IL21R: variants seen among roughly 807,000 people sequenced by gnomAD.
IL21R encodes the protein interleukin-21 receptor.
In IL21R, 14 loss-of-function variants were observed where a neutral mutation model predicts 41.3. That is an observed-to-expected ratio of 0.34 (90% CI 0.22 to 0.53). The LOEUF is 0.53. Among genes scored for constraint, IL21R ranks in the 20% least tolerant of loss-of-function variants. IL21R has a pLI of 0.94. For synonymous variants in IL21R, 286 were observed against 287.6 expected, an observed-to-expected ratio of 0.99 and a Z score of 0.05; for missense variants, 588 against 681.6, an observed-to-expected ratio of 0.86 and a Z score of 1.53.
At chr16:27,411,773 T>C (rs2086827994) in intron 1 of IL21R, among the ~76,000 whole-genome samples, 1 of 152,056 alleles carries the variant, frequency 6.6e-6, no homozygotes, top group South Asian at 2.1e-4. Context: ...CATTTTTAAA[T>C]TGAGTTATTT....
intron 1 of IL21R, among the ~76,000 whole-genome samples, chr16:27,413,167 T>C (rs1042253907): frequency 3.9e-5 from 6 of 152,160 alleles, no homozygotes; most frequent in African/African-American, 1.4e-4. Flanking sequence ...GTTTTCTTTA[T>C]CATGAAAGAG....
intron 1 of IL21R, among the ~76,000 whole-genome samples, chr16:27,406,870 T>C (rs1294504089): frequency 1.3e-5 from 2 of 152,222 alleles, no homozygotes; most frequent in Admixed American, 1.3e-4. Context: ...TGGCAGAGTC[T>C]GCTTTCTGAC....
intron 6 of IL21R, 106 bp from the exon 7 acceptor site, chr16:27,445,071 T>G (rs549346849): frequency 1.3e-6 from 1 of 768,640 alleles, no homozygotes; most frequent in African/African-American, 1.7e-5. Flanking sequence ...TAACAGCCTC[T>G]CCTACCCTCT....
Position 27,448,681 on chromosome 16 carries a change from G to A in IL21R, c.1015G>A (p.Glu339Lys), listed in dbSNP as rs769858753. The change falls in exon 9 of 9, where the codon GAG (glutamate) becomes AAG (lysine). Residue 339 changes from glutamate (E) to lysine (K), a missense_variant. Physicochemically the swap from Glu to Lys is moderately conservative, Grantham distance 56 (BLOSUM62 1). Coordinates refer to ENST00000337929, the MANE Select transcript of IL21R (RefSeq NM_181078.3). ...LQLTELQEPA[E>K]LVESDGVPKP... ...GCTCACGGAGCTACAAGAACCAGCA[G>A]AGCTGGTGGAGTCTGACGGTGTGCC... 1 of 1,613,218 alleles carries A rather than the reference G, an allele frequency of 6.2e-7. No individual in the cohort carries two copies. Among genetic ancestry groups the A allele is most frequent in the Non-Finnish European group, 8.5e-7 (1 of 1,180,008 alleles).
chr16:27,450,399 G>A lies in IL21R; in HGVS notation c.*1116G>A, dbSNP rs183672980. 12 of 231,314 alleles carry A rather than the reference G, an allele frequency of 5.2e-5. No individual in the cohort carries two copies. Among genetic ancestry groups the A allele is most frequent in the African/African-American group, 2.0e-4 (9 of 45,266 alleles). The allele number at this position is 231,314 out of a possible 1,614,324, so 14.3% of individuals were successfully genotyped here. ...AGGTTGGAACTATGCAGTGTGCTCC[G>A]GCCACACATCCTGCTGGGCCCCCTA... is the stretch of plus-strand genomic sequence containing the variant. On this transcript the variant is annotated 3_prime_UTR_variant, in exon 9 of 9. Transcript: ENST00000337929.
intron 1 of IL21R, among the ~76,000 whole-genome samples, chr16:27,429,680 A>C (rs1183804139): frequency 2.0e-5 from 3 of 152,184 alleles, no homozygotes; most frequent in African/African-American, 7.2e-5. Flanking sequence ...AGGCTGATGC[A>C]GGAGGATCGC....
chr16:27,429,235 T>TA (rs3093296), intron 1 of IL21R, among the ~76,000 whole-genome samples: 45,010 of 151,378 alleles, frequency 0.3, 7,196 homozygotes, highest in East Asian at 0.55. Flanking sequence ...AAAATAAACA[T>TA]AAAAAAGCCA....
chr16:27,419,712 G>A (rs2086968255), intron 1 of IL21R, among the ~76,000 whole-genome samples: 1 of 152,060 alleles, frequency 6.6e-6, no homozygotes, highest in South Asian at 2.1e-4. Flanking sequence ...ACAGGCGTAA[G>A]CCACTGTGCC....
intron 4 of IL21R, 79 bp downstream of exon 4, chr16:27,437,766 G>C: frequency 8.7e-7 from 1 of 1,155,710 alleles, no homozygotes; most frequent in Non-Finnish European, 1.3e-6. Flanking sequence ...GGGCTCAGGT[G>C]ATCCTCCCAC....
Position 27,445,202 on chromosome 16 carries a change from C to T in IL21R, c.711C>T (p.His237=). Residue 237 remains histidine, a synonymous_variant, in exon 7 of 9, where the codon CAC becomes CAT. Coordinates refer to ENST00000337929, the MANE Select transcript of IL21R (RefSeq NM_181078.3). ...AGTTAAAGGAAGGCTGGAACCCTCA[C>T]CTGCTGCTTCTCCTCCTGCTTGTCA... is the stretch of plus-strand genomic sequence containing the variant. ...SEELKEGWNP[H]LLLLLLLVIV... 6.2e-7 allele frequency: 1 copy of T among 1,614,000 alleles called. No homozygotes were observed. The highest frequency in any genetic ancestry group is 8.5e-7 in the Non-Finnish European group (1 of 1,179,880).
At chr16:27,429,232 A>G (rs1393935171) in intron 1 of IL21R, among the ~76,000 whole-genome samples, 2 of 133,872 alleles carry the variant, frequency 1.5e-5, no homozygotes, top group African/African-American at 5.5e-5. Context: ...TAAAAAATAA[A>G]CATAAAAAAG....
intron 8 of IL21R, chr16:27,448,228 G>T: frequency 3.3e-6 from 1 of 303,634 alleles, no homozygotes; most frequent in South Asian, 6.0e-5. Context: ...GCTGAGGCGG[G>T]TGGATCACCT....
At position 27,418,936 on chromosome 16, in the gene IL21R, G is replaced by A. The variant is rs527422486; in HGVS notation, c.-16-11120G>A. 2.6e-3 allele frequency among the ~76,000 whole-genome samples: 393 copies of A among 149,688 alleles called. 2 individuals are homozygous for A. The highest frequency in any genetic ancestry group is 9.0e-3 in the African/African-American group (365 of 40,632). On this transcript the variant is annotated intron_variant, in intron 1 of 8. Coordinates refer to ENST00000337929, the MANE Select transcript of IL21R (RefSeq NM_181078.3). The stretch of plus-strand genomic sequence containing the variant: ...TTTTTTGTTAAAACCTAAGACACGC[G>A]GGGCATGGTGGCTCATGCCCGTAAT...
At position 27,448,758 on chromosome 16, in the gene IL21R, T is replaced by G. The variant is rs1243449482; in HGVS notation, c.1092T>G (p.Ser364Arg). 3 of 1,613,396 alleles carry G rather than the reference T, an allele frequency of 1.9e-6. No homozygotes were observed. The Admixed American group carries it at 5.0e-5, about 27-fold the overall frequency. The change falls in exon 9 of 9, where the codon AGT becomes AGG. Residue 364 changes from serine (S) to arginine (R), a missense_variant. Coordinates refer to ENST00000337929, the MANE Select transcript of IL21R (RefSeq NM_181078.3). Reference sequence around the variant, plus strand: ...AGAACTCGGGGGGCTCAGCTTACAGTGAGGAGAGGGATCGGCCATACGGCC... The same window carrying G: ...AGAACTCGGGGGGCTCAGCTTACAGGGAGGAGAGGGATCGGCCATACGGCC... ...TAQNSGGSAY[S>R]EERDRPYGLV... is the part of the protein sequence containing the mutation.
chr16:27,408,744 A>G (rs1005346938), intron 1 of IL21R, among the ~76,000 whole-genome samples: 1 of 152,032 alleles, frequency 6.6e-6, no homozygotes, highest in African/African-American at 2.4e-5. Context: ...TGTGATCCCT[A>G]TAGGAAATAG....
At chr16:27,434,039 G>T (rs3093322) in intron 2 of IL21R, among the ~76,000 whole-genome samples, 3 of 152,150 alleles carry the variant, frequency 2.0e-5, no homozygotes, top group East Asian at 3.9e-4. Context: ...ACACAGACCT[G>T]GTGGCCGGGC....
Position 27,449,223 on chromosome 16 carries a change from C to A in IL21R, c.1557C>A (p.Tyr519Ter). Reference protein sequence around the residue: ...SPGDEGPPRSYLRQWVVIPPP... With the variant: ...SPGDEGPPRS ...GGGACGAAGGACCCCCCCGGAGCTA[C>A]CTCCGCCAGTGGGTGGTCATTCCTC... is the stretch of plus-strand genomic sequence containing the variant. The change falls in exon 9 of 9, where the codon TAC (tyrosine) becomes TAA (stop). Residue 519 changes from tyrosine (Y) to a stop codon, truncating the protein, a stop_gained. Coordinates refer to ENST00000337929, the MANE Select transcript of IL21R (RefSeq NM_181078.3). LOFTEE classifies it high-confidence loss of function. 6.2e-7 allele frequency: 1 copy of A among 1,612,446 alleles called. No homozygotes were observed. Among genetic ancestry groups the A allele is most frequent in the Non-Finnish European group, 8.5e-7 (1 of 1,179,728 alleles).
chr16:27,423,500 CA>C (rs1405765092), intron 1 of IL21R, among the ~76,000 whole-genome samples: 1 of 152,172 alleles, frequency 6.6e-6, no homozygotes, highest in Non-Finnish European at 1.5e-5. Flanking sequence ...CCACACTATT[CA>C]AAATTTGATG....
chr16:27,437,627 A>T lies in IL21R; in HGVS notation c.292A>T (p.Ile98Phe), dbSNP rs1249386859. ...GGCCGACGACATTTTCAGTGTCAACATCACAGACCAGTCTGGCAACTACTC... is the reference window on the plus strand; with the variant it reads ...GGCCGACGACATTTTCAGTGTCAACTTCACAGACCAGTCTGGCAACTACTC... ...FMADDIFSVN[I>F]TDQSGNYSQE... Residue 98 changes from isoleucine to phenylalanine, a missense_variant, in exon 4 of 9, where the codon ATC (isoleucine) becomes TTC (phenylalanine). Physicochemically the swap from Ile to Phe is conservative, Grantham distance 21. Coordinates refer to ENST00000337929, the MANE Select transcript of IL21R (RefSeq NM_181078.3). 6.2e-7 allele frequency: 1 copy of T among 1,614,224 alleles called. No individual in the cohort carries two copies. Among genetic ancestry groups the T allele is most frequent in the South Asian group, 1.1e-5 (1 of 91,084 alleles).
Sources: allele counts gnomAD v4.1 joint callset (sites outside exome capture counted in the v4.1 genomes callset), GRCh38; gene constraint gnomAD v4.1.1; transcripts MANE v1.5; gene names NCBI Gene and HGNC (gene_info 2026-07-23, HGNC 2026-07-21).